Variants in DLG2 observed in about 807,000 individuals in gnomAD.
The protein encoded by DLG2 is disks large homolog 2.
A neutral mutation model predicts 132.5 loss-of-function variants in DLG2; 45 were observed. The observed-to-expected ratio is 0.34, with a 90% CI of 0.27 to 0.44. The LOEUF is 0.44. Among genes scored for constraint, DLG2 ranks in the 20% least tolerant of loss-of-function variants. The pLI is 1.00. For missense variants in DLG2, 1,045 were observed against 1,196.9 expected (o/e 0.87, Z 1.87); for synonymous variants, 424 against 419.6 (o/e 1.01, Z -0.13).
intron 6 of DLG2, among the ~76,000 whole-genome samples, chr11:84,732,428 G>A (rs975498967): frequency 5.9e-5 from 9 of 151,872 alleles, no homozygotes; most frequent in Admixed American, 2.6e-4. Flanking sequence ...CCATCACCTG[G>A]TATTGTCAAT....
At chr11:84,925,039 A>C (rs1438001113) in intron 6 of DLG2, among the ~76,000 whole-genome samples, 2 of 152,242 alleles carry the variant, frequency 1.3e-5, no homozygotes, top group East Asian at 3.8e-4. Flanking sequence ...CAAAACATAG[A>C]AGAACTTAAA....
chr11:84,219,238 G>C (rs1009175431), intron 8 of DLG2, among the ~76,000 whole-genome samples: 1 of 152,092 alleles, frequency 6.6e-6, no homozygotes, highest in Admixed American at 6.5e-5. Context: ...GTCCCTAGTT[G>C]ACTTGGTTAT....
chr11:84,598,714 C>T (rs2099569151), intron 6 of DLG2, among the ~76,000 whole-genome samples: 1 of 149,502 alleles, frequency 6.7e-6, no homozygotes, highest in African/African-American at 2.5e-5. Context: ...TTGCTTGAGC[C>T]CAGTAAGTTT....
chr11:84,973,784 C>A (rs533263480), intron 6 of DLG2, among the ~76,000 whole-genome samples: 1 of 152,074 alleles, frequency 6.6e-6, no homozygotes, highest in Non-Finnish European at 1.5e-5. Flanking sequence ...TACAAAGTGG[C>A]CATACATAAT....
At chr11:83,605,462 G>A (rs1006750632) in intron 19 of DLG2, among the ~76,000 whole-genome samples, 3 of 152,138 alleles carry the variant, frequency 2.0e-5, no homozygotes, top group Non-Finnish European at 2.9e-5. Flanking sequence ...TGGGACCAGG[G>A]AAATAACTCC....
chr11:84,246,596 G>A (rs1276781018), intron 8 of DLG2, among the ~76,000 whole-genome samples: 1 of 152,146 alleles, frequency 6.6e-6, no homozygotes, highest in Non-Finnish European at 1.5e-5. Context: ...AAGATCTATA[G>A]TAAAAATGAA....
chr11:84,796,627 TA>T (rs1390013266), intron 6 of DLG2, among the ~76,000 whole-genome samples: 13 of 152,220 alleles, frequency 8.5e-5, no homozygotes, highest in Non-Finnish European at 1.9e-4. Flanking sequence ...GGAAGGTCTT[TA>T]TTTCTCCTTC....
At chr11:85,453,950 G>A (rs1375982978) in intron 3 of DLG2, among the ~76,000 whole-genome samples, 1 of 151,796 alleles carries the variant, frequency 6.6e-6, no homozygotes, top group African/African-American at 2.4e-5. Flanking sequence ...CCTTAAGCAG[G>A]CCCTGGTGTC....
At chr11:84,000,114 C>A (rs545379451) in intron 11 of DLG2, among the ~76,000 whole-genome samples, 1 of 151,878 alleles carries the variant, frequency 6.6e-6, no homozygotes. Flanking sequence ...AAAACCAATA[C>A]AAAGAAATCA....
At chr11:84,604,046 T>C (rs2099581248) in intron 6 of DLG2, among the ~76,000 whole-genome samples, 1 of 152,008 alleles carries the variant, frequency 6.6e-6, no homozygotes, top group Non-Finnish European at 1.5e-5. Flanking sequence ...TGTAATAAGC[T>C]GCTACTAATT....
chr11:85,276,987 A>G (rs531463387), intron 4 of DLG2, among the ~76,000 whole-genome samples: 1 of 152,288 alleles, frequency 6.6e-6, no homozygotes, highest in East Asian at 1.9e-4. Flanking sequence ...TCATTAGAAA[A>G]TTCGTGATTG....
intron 9 of DLG2, among the ~76,000 whole-genome samples, chr11:84,103,385 T>C (rs571992396): frequency 2.0e-5 from 3 of 152,178 alleles, no homozygotes; most frequent in Non-Finnish European, 4.4e-5. Flanking sequence ...CAGCAATCTC[T>C]CCATGTGAAC....
intron 4 of DLG2, among the ~76,000 whole-genome samples, chr11:85,242,856 T>C (rs1264723388): frequency 6.6e-6 from 1 of 151,892 alleles, no homozygotes; most frequent in Non-Finnish European, 1.5e-5. Flanking sequence ...TAAGTGTTTA[T>C]GCTCCTCAGT....
At chr11:84,971,199 GA>G (rs1468857784) in intron 6 of DLG2, among the ~76,000 whole-genome samples, 1 of 152,030 alleles carries the variant, frequency 6.6e-6, no homozygotes. Flanking sequence ...TAAACATAGC[GA>G]AAAAATGTGT....
chr11:84,605,551 C>T (rs1288064564), intron 6 of DLG2, among the ~76,000 whole-genome samples: 2 of 149,538 alleles, frequency 1.3e-5, no homozygotes, highest in South Asian at 2.1e-4. Context: ...TATAAGCATC[C>T]ATTTATGAGG....
chr11:84,078,852 C>T (rs1323636279), intron 10 of DLG2, among the ~76,000 whole-genome samples: 1 of 152,138 alleles, frequency 6.6e-6, no homozygotes, highest in African/African-American at 2.4e-5. Context: ...CTCAGAGTTC[C>T]ATATCCACGT....
rs530373648 is a variant in DLG2, at chr11:83,725,858, T to TC, written c.1825+60831dup. 1.7e-3 allele frequency among the ~76,000 whole-genome samples: 263 copies of TC among 152,312 alleles called. 4 individuals carry two copies. The highest frequency in any genetic ancestry group is 6.4e-3 in the South Asian group (31 of 4,824). On this transcript the variant is annotated intron_variant, in intron 18 of 27. Transcript: ENST00000376104. ...AAGCGGAGCTCAGACATTTTCACTT[T>TC]CCCTCTCAATATTATCACTGCAGTT...
intron 7 of DLG2, among the ~76,000 whole-genome samples, chr11:84,531,847 G>A (rs2099342693): frequency 6.6e-6 from 1 of 151,330 alleles, no homozygotes. Flanking sequence ...ACCCATTGAA[G>A]TTGAATACAG....
intron 22 of DLG2, among the ~76,000 whole-genome samples, chr11:83,473,668 T>C (rs2092328430): frequency 6.6e-6 from 1 of 152,068 alleles, no homozygotes; most frequent in Admixed American, 6.6e-5. Flanking sequence ...AAGAACTTTC[T>C]GTCTACTAGA....
Sources: allele counts gnomAD v4.1 joint callset (sites outside exome capture counted in the v4.1 genomes callset), GRCh38; gene constraint gnomAD v4.1.1; transcripts MANE v1.5; gene names NCBI Gene and HGNC (gene_info 2026-07-23, HGNC 2026-07-21).